Variants in LARS2 observed in about 807,000 individuals in gnomAD.
The protein encoded by LARS2 is leucine--tRNA ligase, mitochondrial.
A neutral mutation model predicts 116.6 loss-of-function variants in LARS2; 81 were observed. The observed-to-expected ratio is 0.69, with a 90% CI of 0.58 to 0.84. The LOEUF is 0.84. LARS2 is among the 40% of genes least tolerant of loss of function. The pLI is 0.00. For synonymous variants in LARS2, 396 were observed against 407.2 expected (o/e 0.97, Z 0.33); for missense variants, 968 against 1,114.5 (o/e 0.87, Z 1.87).
At position 45,522,489 on chromosome 3, in the gene LARS2, G is replaced by A. The variant is rs9880108; in HGVS notation, c.2293-1508G>A. Among the ~76,000 whole-genome samples, 438 of 152,346 alleles carry A rather than the reference G, an allele frequency of 2.9e-3. 6 individuals are homozygous for A. The highest frequency in any genetic ancestry group is 9.8e-3 in the African/African-American group (406 of 41,574). On this transcript the variant is annotated intron_variant, in intron 19 of 21. Transcript: ENST00000645846. ...CTCACGCCTGTAATCCCAGCACTGC[G>A]GGAGGTCAAGGCAGATAGATCGCTT...
chr3:45,503,581 C>G (rs1700153173), intron 15 of LARS2, among the ~76,000 whole-genome samples: 1 of 152,050 alleles, frequency 6.6e-6, no homozygotes, highest in South Asian at 2.1e-4. Context: ...GTATTTTATA[C>G]TCCAACTGAC....
At chr3:45,497,751 A>G (rs1700040983) in intron 14 of LARS2, among the ~76,000 whole-genome samples, 1 of 152,130 alleles carries the variant, frequency 6.6e-6, no homozygotes, top group Non-Finnish European at 1.5e-5. Context: ...TACCAAAAAT[A>G]CAAAAATTAG....
In LARS2 at chr3:45,463,692, G is replaced by T. The variant is rs565061464; in HGVS notation, c.750+4806G>T. 5.3e-5 allele frequency among the ~76,000 whole-genome samples: 8 copies of T among 151,738 alleles called. No homozygotes were observed. The South Asian group carries it at 1.7e-3, about 32-fold the overall frequency. On this transcript the variant is annotated intron_variant, in intron 8 of 21. Transcript: ENST00000645846. ...TCATTCATTTTTTTTTTCCTGAGATGTTATTGAGTGCCTGGCCAGACCCTA... is the reference window on the plus strand; with the variant it reads ...TCATTCATTTTTTTTTTCCTGAGATTTTATTGAGTGCCTGGCCAGACCCTA...
chr3:45,455,251 A>G (rs553857115), intron 7 of LARS2, among the ~76,000 whole-genome samples: 1 of 152,196 alleles, frequency 6.6e-6, no homozygotes, highest in East Asian at 1.9e-4. Flanking sequence ...CATGTGGGAA[A>G]TGTAGATAAG....
intron 20 of LARS2, among the ~76,000 whole-genome samples, chr3:45,535,512 T>C (rs1306666569): frequency 6.6e-6 from 1 of 152,116 alleles, no homozygotes; most frequent in Admixed American, 6.5e-5. Context: ...ATATGCTGAT[T>C]GAAAGAAGCT....
intron 6 of LARS2, among the ~76,000 whole-genome samples, chr3:45,443,039 C>T (rs1170332550): frequency 6.6e-6 from 1 of 152,184 alleles, no homozygotes; most frequent in East Asian, 1.9e-4. Flanking sequence ...AGCACACATA[C>T]AGCATACACA....
At chr3:45,489,600 A>G (rs1407827547) in intron 12 of LARS2, among the ~76,000 whole-genome samples, 1 of 152,140 alleles carries the variant, frequency 6.6e-6, no homozygotes, top group Non-Finnish European at 1.5e-5. Flanking sequence ...TGGTCCCTGG[A>G]CCAGCAGTAC....
rs978378033 is a variant in LARS2, at chr3:45,547,442, T to C, written c.2624T>C (p.Leu875Pro). ...CACGAATTTGTTCTTCAAAGCGAGCTGGGTGTCAGGCTTTTGCAAGGACGA... is the reference window on the plus strand; with the variant it reads ...CACGAATTTGTTCTTCAAAGCGAGCCGGGTGTCAGGCTTTTGCAAGGACGA... ...KVHEFVLQSE[L>P]GVRLLQGRSI... The change falls in exon 22 of 22, where the codon CTG becomes CCG. Residue 875 changes from leucine (L) to proline (P), a missense_variant. Coordinates refer to ENST00000645846, the MANE Select transcript of LARS2 (RefSeq NM_015340.4). The C allele has an allele frequency of 1.2e-6, 2 of 1,613,686 alleles. No individual in the cohort carries two copies. The highest frequency in any genetic ancestry group is 2.7e-5 in the African/African-American group (2 of 74,856).
intron 6 of LARS2, among the ~76,000 whole-genome samples, chr3:45,431,379 A>C (rs1698711234): frequency 6.6e-6 from 1 of 152,248 alleles, no homozygotes; most frequent in African/African-American, 2.4e-5. Context: ...TTAACCTAAA[A>C]GCTATTCTTG....
intron 4 of LARS2, among the ~76,000 whole-genome samples, chr3:45,404,443 C>T (rs189242542): frequency 9.2e-5 from 14 of 152,264 alleles, no homozygotes; most frequent in Middle Eastern, 3.4e-3. Context: ...GCTTCCTTGT[C>T]ATTTTAAAAT....
chr3:45,397,179 CT>C (rs1204287559), intron 3 of LARS2, among the ~76,000 whole-genome samples: 4 of 152,182 alleles, frequency 2.6e-5, no homozygotes, highest in Admixed American at 6.5e-5. Context: ...AATTCTTATA[CT>C]TTTATATAAT....
chr3:45,541,535 G>C, intron 20 of LARS2: 1 of 370,528 alleles, frequency 2.7e-6, no homozygotes. Flanking sequence ...CAGAACTTCA[G>C]AGAGATGACC....
chr3:45,471,133 C>T (rs765558567), intron 8 of LARS2, among the ~76,000 whole-genome samples: 42 of 151,220 alleles, frequency 2.8e-4, no homozygotes, highest in Middle Eastern at 3.4e-3. Flanking sequence ...GCTGTAGCAC[C>T]GTAACTACTC....
At chr3:45,496,847 G>A (rs1006251086) in intron 14 of LARS2, among the ~76,000 whole-genome samples, 1 of 152,230 alleles carries the variant, frequency 6.6e-6, no homozygotes, top group African/African-American at 2.4e-5. Context: ...AAGGGAGAGT[G>A]CTACATCATT....
At chr3:45,435,732 G>A (rs557102594) in intron 6 of LARS2, among the ~76,000 whole-genome samples, 2 of 151,904 alleles carry the variant, frequency 1.3e-5, no homozygotes, top group Admixed American at 1.3e-4. Context: ...GGCTTACCGG[G>A]CATTTAAAAA....
At chr3:45,485,926 GAAT>G in intron 11 of LARS2, 130 bp downstream of exon 11, 2 of 553,624 alleles carry the variant, frequency 3.6e-6, no homozygotes, top group Non-Finnish European at 6.5e-6. Flanking sequence ...TCATAAAAAT[GAAT>G]AACCCTTCAT....
At chr3:45,405,819 G>GA (rs902257632) in intron 4 of LARS2, among the ~76,000 whole-genome samples, 6 of 152,204 alleles carry the variant, frequency 3.9e-5, no homozygotes, top group African/African-American at 1.4e-4. Flanking sequence ...TCAGGACCTC[G>GA]ATGATGGCTG....
intron 1 of LARS2, among the ~76,000 whole-genome samples, chr3:45,389,820 G>C (rs1426180302): frequency 4.6e-5 from 7 of 152,164 alleles, no homozygotes; most frequent in Admixed American, 4.6e-4. Flanking sequence ...GCTGCTCCTC[G>C]CTGTCAATAA....
intron 8 of LARS2, among the ~76,000 whole-genome samples, chr3:45,459,985 A>G (rs1177058832): frequency 6.6e-6 from 1 of 152,168 alleles, no homozygotes; most frequent in Non-Finnish European, 1.5e-5. Context: ...TAGATCCAAT[A>G]CTGTTGTTCT....
Sources: allele counts gnomAD v4.1 joint callset (sites outside exome capture counted in the v4.1 genomes callset), GRCh38; gene constraint gnomAD v4.1.1; transcripts MANE v1.5; gene names NCBI Gene and HGNC (gene_info 2026-07-23, HGNC 2026-07-21).